The following PKHD1 variants were observed in gnomAD, a reference collection of about 807,000 sequenced individuals.
PKHD1 encodes the protein PKHD1 ciliary IPT domain containing fibrocystin/polyductin.
A neutral mutation model predicts 412.0 loss-of-function variants in PKHD1; 291 were observed. The observed-to-expected ratio is 0.71, with a 90% CI of 0.64 to 0.78. The LOEUF is 0.78. Ranked by LOEUF, PKHD1 falls within the 30% of genes least tolerant of loss-of-function variation. The pLI, the probability that PKHD1 is intolerant of heterozygous loss-of-function variation, is 0.00. For missense variants in PKHD1, 4,825 were observed against 4,950.7 expected (o/e 0.97, Z 0.76); for synonymous variants, 1,777 against 1,821.5 (o/e 0.98, Z 0.62).
intron 28 of PKHD1, among the ~76,000 whole-genome samples, chr6:52,034,017 T>C (rs943400422): frequency 6.6e-6 from 1 of 151,934 alleles, no homozygotes; most frequent in Admixed American, 6.6e-5. Context: ...TAATTCAAGC[T>C]ACTCAGGAAG....
chr6:51,738,860 TC>T (rs1184089726), intron 60 of PKHD1, among the ~76,000 whole-genome samples: 1 of 151,758 alleles, frequency 6.6e-6, no homozygotes, highest in African/African-American at 2.4e-5. Context: ...CACTCCTCAC[TC>T]CCCATTCAGG....
At chr6:51,901,589 A>G (rs1375617727) in intron 43 of PKHD1, among the ~76,000 whole-genome samples, 8 of 152,038 alleles carry the variant, frequency 5.3e-5, no homozygotes, top group African/African-American at 1.9e-4. Context: ...GTTAGTGGGT[A>G]CAGCGCACCA....
chr6:51,780,201 C>T (rs1041660137), intron 53 of PKHD1, among the ~76,000 whole-genome samples: 6 of 152,102 alleles, frequency 3.9e-5, no homozygotes, highest in African/African-American at 1.4e-4. Context: ...TTCTGGCCAA[C>T]ATGGTGAAAC....
intron 36 of PKHD1, among the ~76,000 whole-genome samples, chr6:51,951,565 G>C (rs1271249626): frequency 6.6e-6 from 1 of 152,030 alleles, no homozygotes; most frequent in African/African-American, 2.4e-5. Context: ...ATTTGGTATA[G>C]CATAATAGTA....
chr6:51,623,439 T>A (rs62461283), intron 66 of PKHD1, among the ~76,000 whole-genome samples: 1 of 152,076 alleles, frequency 6.6e-6, no homozygotes, highest in Non-Finnish European at 1.5e-5. Context: ...TTTTTTGGAC[T>A]GACATTATAT....
intron 60 of PKHD1, among the ~76,000 whole-genome samples, chr6:51,729,779 C>T (rs1370115579): frequency 6.6e-6 from 1 of 152,076 alleles, no homozygotes; most frequent in Non-Finnish European, 1.5e-5. Context: ...TAGCAGTGGT[C>T]ATTATTGCCT....
intron 65 of PKHD1, 52 bp from the exon 66 acceptor site, chr6:51,627,168 C>A (rs995036501): frequency 1.3e-6 from 2 of 1,510,026 alleles, no homozygotes; most frequent in South Asian, 1.1e-5. Context: ...TAAGTGGGAC[C>A]ATCAGCATTT....
rs758503933 is a variant in PKHD1 at position 51,870,557 on chromosome 6, T to A, written c.7433A>T (p.Asp2478Val). 88 of 1,610,988 alleles carry A rather than the reference T, an allele frequency of 5.5e-5. No homozygotes were observed. The highest frequency in any genetic ancestry group is 7.0e-5 in the Non-Finnish European group (83 of 1,177,360). The change falls in exon 47 of 67, where the codon GAT becomes GTT. Residue 2478 changes from aspartate to valine, a missense_variant. Coordinates refer to ENST00000371117, the MANE Select transcript of PKHD1 (RefSeq NM_138694.4). ...TCTAATGGCCACACAGTTGATGAGA[T>A]CAAAATTAACAAAGGTTGTGTTAGA... ...MVSNTTFVNFDLINCVAIRTC... is the reference protein window; with the variant it reads ...MVSNTTFVNFVLINCVAIRTC...
intron 60 of PKHD1, among the ~76,000 whole-genome samples, chr6:51,706,032 A>G (rs1395136746): frequency 6.6e-6 from 1 of 152,156 alleles, no homozygotes; most frequent in African/African-American, 2.4e-5. Context: ...CAGATATTAA[A>G]TGCCCCAGGG....
At chr6:52,051,091 C>G (rs1806772916) in intron 21 of PKHD1, among the ~76,000 whole-genome samples, 1 of 152,232 alleles carries the variant, frequency 6.6e-6, no homozygotes, top group Admixed American at 6.5e-5. Context: ...TAGGCATAGA[C>G]TAGGTGGTCA....
rs1354274810 is a variant in PKHD1, at chr6:51,911,831, A to G, written c.6458T>C (p.Leu2153Pro). 1 of 1,613,168 alleles carries G rather than the reference A, an allele frequency of 6.2e-7. No homozygotes were observed. Residue 2153 changes from leucine to proline, a missense_variant, in exon 39 of 67, where the codon CTT becomes CCT. Physicochemically the swap from Leu to Pro is moderately conservative, Grantham distance 98 (BLOSUM62 -3). Coordinates refer to ENST00000371117, the MANE Select transcript of PKHD1 (RefSeq NM_138694.4). ...AGCATTGGCCTCCTGGCATGAAACA[A>G]GCAGCTTCTCCCTCTCATTAGTGAG... Reference protein sequence around the residue: ...GNLTNEREKLLVSCQEANAPE... With the variant: ...GNLTNEREKLPVSCQEANAPE...
At chr6:51,804,602 A>AATTT (rs5876238) in intron 52 of PKHD1, among the ~76,000 whole-genome samples, 89,125 of 151,242 alleles carry the variant, frequency 0.59, 26,596 homozygotes, top group South Asian at 0.67. Flanking sequence ...ACAATTGCAA[A>AATTT]ACTTCATAAG....
chr6:51,849,544 T>C (rs948250421), intron 49 of PKHD1, among the ~76,000 whole-genome samples: 1 of 152,202 alleles, frequency 6.6e-6, no homozygotes, highest in Admixed American at 6.5e-5. Context: ...CTCCACAGCC[T>C]CACCAGCTTT....
chr6:51,944,096 T>C (rs2127827206), intron 36 of PKHD1, among the ~76,000 whole-genome samples: 1 of 152,310 alleles, frequency 6.6e-6, no homozygotes, highest in Admixed American at 6.5e-5. Flanking sequence ...TTAAATGGCC[T>C]GTTCCTGCCT....
At chr6:52,052,826 G>T (rs1261538103) in intron 21 of PKHD1, among the ~76,000 whole-genome samples, 1 of 152,076 alleles carries the variant, frequency 6.6e-6, no homozygotes, top group Non-Finnish European at 1.5e-5. Context: ...GCAAGAAAGT[G>T]GGAAAACTGG....
chr6:51,981,324 T>G (rs984144993), intron 35 of PKHD1, among the ~76,000 whole-genome samples: 4 of 18,812 alleles, frequency 2.1e-4, no homozygotes, highest in Non-Finnish European at 5.5e-4. Context: ...TCCCTCTCCC[T>G]CTCCCTCTCC....
intron 32 of PKHD1, among the ~76,000 whole-genome samples, chr6:52,024,268 T>G (rs760714964): frequency 2.6e-5 from 4 of 152,226 alleles, no homozygotes; most frequent in Non-Finnish European, 5.9e-5. Context: ...TCTTAAATGA[T>G]CAAATTATGA....
intron 35 of PKHD1, among the ~76,000 whole-genome samples, chr6:51,987,517 C>G (rs1796362677): frequency 6.6e-6 from 1 of 152,098 alleles, no homozygotes; most frequent in Non-Finnish European, 1.5e-5. Context: ...GTGGTGGAAC[C>G]AAGGCTTTGA....
chr6:52,078,697 C>T (rs1811645236), intron 5 of PKHD1, among the ~76,000 whole-genome samples: 1 of 152,136 alleles, frequency 6.6e-6, no homozygotes, highest in African/African-American at 2.4e-5. Context: ...TTCCCCCTCT[C>T]GCTCCTAACC....
Sources: gnomAD v4.1 joint callset for allele counts (sites outside exome capture counted in the v4.1 genomes callset) on GRCh38, gnomAD v4.1.1 for gene constraint, MANE v1.5 for transcripts, NCBI Gene and HGNC (gene_info 2026-07-23, HGNC 2026-07-21) for gene names.